The following FBXL17 variants were observed in gnomAD, a reference collection of about 807,000 sequenced individuals.
The protein encoded by FBXL17 is F-box and leucine rich repeat protein 17.
FBXL17 carries 22 observed loss-of-function variants against 66.2 expected under a neutral mutation model. The ratio of observed to expected loss-of-function variants is 0.33; its 90% CI spans 0.24 to 0.47. FBXL17 has a LOEUF of 0.47. Ranked by LOEUF, FBXL17 falls within the 20% of genes least tolerant of loss-of-function variation. FBXL17 has a pLI of 1.00. For missense variants in FBXL17, 878 were observed against 948.2 expected (o/e 0.93, Z 0.97); for synonymous variants, 474 against 400.5 (o/e 1.18, Z -2.19).
At chr5:108,257,678 T>C (rs577699397) in intron 4 of FBXL17, among the ~76,000 whole-genome samples, 4 of 152,120 alleles carry the variant, frequency 2.6e-5, no homozygotes, top group Admixed American at 1.3e-4. Flanking sequence ...GATACTAAAG[T>C]GGCAGAACCA....
intron 4 of FBXL17, among the ~76,000 whole-genome samples, chr5:108,313,831 CAATT>C (rs1462782145): frequency 6.6e-6 from 1 of 151,712 alleles, no homozygotes; most frequent in Non-Finnish European, 1.5e-5. Context: ...CATTTTTGAA[CAATT>C]AATACAGTAT....
At chr5:108,379,591 T>C (rs1399765839) in intron 1 of FBXL17, among the ~76,000 whole-genome samples, 2 of 152,198 alleles carry the variant, frequency 1.3e-5, no homozygotes, top group Non-Finnish European at 2.9e-5. Context: ...ATAACAATTG[T>C]AATTAATGAC....
At chr5:108,234,719 T>C (rs1309905298) in intron 4 of FBXL17, among the ~76,000 whole-genome samples, 1 of 152,208 alleles carries the variant, frequency 6.6e-6, no homozygotes, top group Admixed American at 6.5e-5. Flanking sequence ...TTGTATGTCC[T>C]GAGAACTGCT....
chr5:107,973,277 G>T (rs957179349), intron 7 of FBXL17, among the ~76,000 whole-genome samples: 4 of 151,880 alleles, frequency 2.6e-5, no homozygotes, highest in African/African-American at 9.7e-5. Context: ...TGGACCACAT[G>T]CAGTCTAGGA....
intron 8 of FBXL17, among the ~76,000 whole-genome samples, chr5:107,877,537 A>G (rs1052723410): frequency 6.6e-6 from 1 of 152,208 alleles, no homozygotes; most frequent in Admixed American, 6.5e-5. Flanking sequence ...CAAATTAAAT[A>G]TAAGTGGCCC....
Position 107,859,663 on chromosome 5 carries a change from T to A in FBXL17, c.*2057A>T, listed in dbSNP as rs928969384. On this transcript the variant is annotated 3_prime_UTR_variant, in exon 9 of 9. Transcript: ENST00000542267. The stretch of plus-strand genomic sequence containing the variant: ...TTCTGAAACCATTTGACAACCAAAC[T>A]GTAACACTCCAAAGGTTATTACAAC... 1 of 148,614 alleles carries A rather than the reference T, an allele frequency of 6.7e-6. No homozygotes were observed. The highest frequency in any genetic ancestry group is 1.5e-5 in the Non-Finnish European group (1 of 67,734). The allele number at this position is 148,614 out of a possible 1,614,324, so 9.2% of individuals were successfully genotyped here. A position where few individuals can be genotyped will look rare whatever the true frequency, so the allele number is the denominator to read the frequency against.
chr5:108,309,989 G>T (rs1165926241), intron 4 of FBXL17, among the ~76,000 whole-genome samples: 1 of 152,030 alleles, frequency 6.6e-6, no homozygotes, highest in Non-Finnish European at 1.5e-5. Flanking sequence ...AATCACAAAA[G>T]TTCCTCTGAA....
chr5:108,044,464 AC>A (rs2112809639), intron 6 of FBXL17, among the ~76,000 whole-genome samples: 1 of 152,304 alleles, frequency 6.6e-6, no homozygotes, highest in South Asian at 2.1e-4. Context: ...ATTTTTGAAT[AC>A]CAAACCAGCC....
At chr5:108,079,235 T>C (rs1580412827) in intron 6 of FBXL17, among the ~76,000 whole-genome samples, 2 of 151,870 alleles carry the variant, frequency 1.3e-5, no homozygotes, top group Non-Finnish European at 2.9e-5. Context: ...AAGGCCCCTA[T>C]AAATGCTTAT....
intron 7 of FBXL17, among the ~76,000 whole-genome samples, chr5:107,919,934 T>A (rs1451662864): frequency 6.6e-6 from 1 of 152,198 alleles, no homozygotes; most frequent in Admixed American, 6.5e-5. Flanking sequence ...CTAGGACAAT[T>A]CCTGGGGTAT....
chr5:108,138,446 G>C (rs12523367), intron 6 of FBXL17, among the ~76,000 whole-genome samples: 70,222 of 151,824 alleles, frequency 0.46, 17,155 homozygotes, highest in Admixed American at 0.58. Context: ...GATATCATAC[G>C]TTTTTTTCTT....
chr5:107,967,708 C>T (rs1752207860), intron 7 of FBXL17, among the ~76,000 whole-genome samples: 1 of 151,504 alleles, frequency 6.6e-6, no homozygotes, highest in Admixed American at 6.6e-5. Context: ...AAAAAAACAA[C>T]ATTTTCAATA....
At chr5:108,053,973 A>C (rs1202681690) in intron 6 of FBXL17, among the ~76,000 whole-genome samples, 1 of 152,184 alleles carries the variant, frequency 6.6e-6, no homozygotes, top group South Asian at 2.1e-4. Context: ...GACATGGATG[A>C]AGCTGGAAGC....
At chr5:108,287,832 A>T (rs977368064) in intron 4 of FBXL17, among the ~76,000 whole-genome samples, 1 of 152,102 alleles carries the variant, frequency 6.6e-6, no homozygotes, top group Non-Finnish European at 1.5e-5. Context: ...TCATCACAGC[A>T]CTATTCACAA....
chr5:108,158,491 G>C (rs920020223), intron 6 of FBXL17, among the ~76,000 whole-genome samples: 1 of 128,832 alleles, frequency 7.8e-6, no homozygotes, highest in South Asian at 3.2e-4. Flanking sequence ...AGTGACAGTG[G>C]GGCGTGTGTG....
intron 7 of FBXL17, among the ~76,000 whole-genome samples, chr5:107,927,953 A>G (rs1340357412): frequency 6.6e-6 from 1 of 152,106 alleles, no homozygotes; most frequent in Non-Finnish European, 1.5e-5. Flanking sequence ...CAAATATCCA[A>G]ATATTTTAAG....
chr5:108,292,199 G>A (rs887382749), intron 4 of FBXL17, among the ~76,000 whole-genome samples: 5 of 150,068 alleles, frequency 3.3e-5, no homozygotes, highest in South Asian at 2.2e-4. Flanking sequence ...TTGGCTCACC[G>A]CAAGCTCCAC....
rs73216307 is a variant in FBXL17 at position 108,327,243 on chromosome 5, A to C, written c.1506+21156T>G. 6.9e-3 allele frequency among the ~76,000 whole-genome samples: 1,055 copies of C among 152,334 alleles called. 15 individuals carry two copies. The highest frequency in any genetic ancestry group is 0.024 in the African/African-American group (1,001 of 41,560). On this transcript the variant is annotated intron_variant, in intron 4 of 8. Coordinates refer to ENST00000542267, the MANE Select transcript of FBXL17 (RefSeq NM_001163315.3). ...AATCCAGACTTAGACTAAGGTTGACATAAGAGAAAGCTAAGCCAAAAGTCA... is the reference window on the plus strand; with the variant it reads ...AATCCAGACTTAGACTAAGGTTGACCTAAGAGAAAGCTAAGCCAAAAGTCA...
chr5:108,336,226 G>A (rs751139161), intron 4 of FBXL17, among the ~76,000 whole-genome samples: 4 of 152,098 alleles, frequency 2.6e-5, no homozygotes, highest in African/African-American at 4.8e-5. Context: ...TAACCTCTGC[G>A]TGGTGTATTA....
Sources: gnomAD v4.1 joint callset for allele counts (sites outside exome capture counted in the v4.1 genomes callset) on GRCh38, gnomAD v4.1.1 for gene constraint, MANE v1.5 for transcripts, NCBI Gene and HGNC (gene_info 2026-07-23, HGNC 2026-07-21) for gene names.